CAMSAP2: variants seen among roughly 807,000 people sequenced by gnomAD.
CAMSAP2 encodes calmodulin-regulated spectrin-associated protein 2.
A neutral mutation model predicts 146.1 loss-of-function variants in CAMSAP2; 26 were observed. The observed-to-expected ratio is 0.18, with a 90% CI of 0.13 to 0.25. The LOEUF (loss-of-function observed/expected upper bound fraction) is 0.25. Among genes scored for constraint, CAMSAP2 ranks in the 10% least tolerant of loss-of-function variants. CAMSAP2 has a pLI of 1.00. For missense variants in CAMSAP2, 1,381 were observed against 1,759.3 expected (o/e 0.78, Z 3.85); for synonymous variants, 499 against 596.6 (o/e 0.84, Z 2.38).
At chr1:200,838,422 C>T (rs937686255) in intron 6 of CAMSAP2, among the ~76,000 whole-genome samples, 2 of 152,142 alleles carry the variant, frequency 1.3e-5, no homozygotes, top group South Asian at 2.1e-4. Context: ...AATAATCTTA[C>T]TAATCAGAAA....
At chr1:200,748,142 C>G (rs555821543) in intron 1 of CAMSAP2, among the ~76,000 whole-genome samples, 76 of 152,286 alleles carry the variant, frequency 5.0e-4, no homozygotes, top group Non-Finnish European at 9.3e-4. Context: ...TATAGAAAAT[C>G]TCAAATATAT....
At chr1:200,787,780 T>C (rs761816796) in intron 2 of CAMSAP2, among the ~76,000 whole-genome samples, 14 of 152,208 alleles carry the variant, frequency 9.2e-5, no homozygotes, top group Non-Finnish European at 1.5e-4. Flanking sequence ...CACGCAAGTT[T>C]TGTTGTCTCA....
At chr1:200,798,921 A>T (rs1486832181) in intron 2 of CAMSAP2, among the ~76,000 whole-genome samples, 9 of 151,610 alleles carry the variant, frequency 5.9e-5, no homozygotes, top group African/African-American at 2.2e-4. Flanking sequence ...ATCTATTGAG[A>T]TAATCATGTG....
chr1:200,764,268 G>C (rs923990624), intron 2 of CAMSAP2, among the ~76,000 whole-genome samples: 4 of 151,610 alleles, frequency 2.6e-5, no homozygotes, highest in Non-Finnish European at 4.4e-5. Context: ...CCTTTTGGGG[G>C]GAAAAAAAGT....
chr1:200,847,327 T>C, intron 9 of CAMSAP2, 35 bp downstream of exon 9: 2 of 1,391,224 alleles, frequency 1.4e-6, no homozygotes, highest in African/African-American at 1.4e-5. Flanking sequence ...AAAATACTCT[T>C]TTAAGTAGGT....
chr1:200,800,771 C>T (rs1393834634), intron 2 of CAMSAP2, among the ~76,000 whole-genome samples: 1 of 152,150 alleles, frequency 6.6e-6, no homozygotes, highest in Non-Finnish European at 1.5e-5. Context: ...ATGGTCTTTA[C>T]AATTTGGTAT....
intron 2 of CAMSAP2, among the ~76,000 whole-genome samples, chr1:200,768,800 T>C (rs1333907535): frequency 2.6e-5 from 4 of 151,994 alleles, no homozygotes; most frequent in African/African-American, 9.7e-5. Context: ...ACTACAGGCG[T>C]GTGCCACCAC....
chr1:200,816,737 C>CACACACGCGAGTATATATGTGTGTAT lies in CAMSAP2; in HGVS notation c.645+1099_645+1100insGCGAGTATATATGTGTGTATACACAC, dbSNP rs1558190782. Among the ~76,000 whole-genome samples, 7 of 30,490 alleles carry CACACACGCGAGTATATATGTGTGTAT rather than the reference C, an allele frequency of 2.3e-4. 2 individuals are homozygous for CACACACGCGAGTATATATGTGTGTAT. The highest frequency in any genetic ancestry group is 1.1e-3 in the African/African-American group (7 of 6,654). 20.0% of individuals were successfully genotyped at this position (30,490 alleles called of 152,430 possible). A position where few individuals can be genotyped will look rare whatever the true frequency, so the allele number is the denominator to read the frequency against. On this transcript the variant is annotated intron_variant, in intron 4 of 16. Transcript: ENST00000358823. ...ATACACACGCACATATATGTGTGTA[C>CACACACGCGAGTATATATGTGTGTAT]ACACACACGCGTGTATATATGTGTG...
At chr1:200,810,838 G>A (rs895395589) in intron 3 of CAMSAP2, among the ~76,000 whole-genome samples, 41 of 151,918 alleles carry the variant, frequency 2.7e-4, no homozygotes, top group African/African-American at 9.7e-4. Context: ...GCAGCGACTC[G>A]AGATTGCACC....
intron 1 of CAMSAP2, among the ~76,000 whole-genome samples, chr1:200,749,130 C>T (rs545565217): frequency 6.6e-6 from 1 of 152,354 alleles, no homozygotes; most frequent in African/African-American, 2.4e-5. Context: ...ACCACACTCC[C>T]TGAATGCTGC....
At chr1:200,742,888 G>T (rs1006401550) in intron 1 of CAMSAP2, among the ~76,000 whole-genome samples, 1 of 151,812 alleles carries the variant, frequency 6.6e-6, no homozygotes, top group Non-Finnish European at 1.5e-5. Flanking sequence ...AAGCAAATAT[G>T]GAATATTTAC....
chr1:200,762,679 A>G (rs1325252245), intron 2 of CAMSAP2, among the ~76,000 whole-genome samples: 1 of 152,198 alleles, frequency 6.6e-6, no homozygotes, highest in Non-Finnish European at 1.5e-5. Flanking sequence ...TAGAGTGTCT[A>G]TTTCAGATCC....
At chr1:200,813,295 G>A (rs1250997206) in intron 3 of CAMSAP2, among the ~76,000 whole-genome samples, 20 of 152,186 alleles carry the variant, frequency 1.3e-4, no homozygotes, top group Admixed American at 1.2e-3. Flanking sequence ...ATCATGCCCC[G>A]AAAGGCTACA....
intron 2 of CAMSAP2, among the ~76,000 whole-genome samples, chr1:200,784,117 C>T (rs1041689978): frequency 2.6e-5 from 4 of 152,062 alleles, no homozygotes; most frequent in African/African-American, 7.2e-5. Flanking sequence ...GACGTCGACA[C>T]CTGTGTCTCT....
chr1:200,819,579 C>T (rs1342979030), intron 4 of CAMSAP2, among the ~76,000 whole-genome samples: 1 of 151,972 alleles, frequency 6.6e-6, no homozygotes, highest in Non-Finnish European at 1.5e-5. Flanking sequence ...CACTAAATAG[C>T]TTCATGACCT....
chr1:200,741,762 A>C (rs549852546), intron 1 of CAMSAP2, among the ~76,000 whole-genome samples: 18 of 152,338 alleles, frequency 1.2e-4, no homozygotes, highest in Admixed American at 7.2e-4. Context: ...AGAAGAAAGG[A>C]AATGAAGGGA....
chr1:200,814,940 A>G (rs1052126009), intron 3 of CAMSAP2, among the ~76,000 whole-genome samples: 3 of 152,108 alleles, frequency 2.0e-5, no homozygotes, highest in East Asian at 3.8e-4. Flanking sequence ...TCTTCTCAAG[A>G]AATAATTTAT....
rs1012992016 is a variant in CAMSAP2 at position 200,853,852 on chromosome 1, A to C, written c.3823+357A>C. ...AATGTACAAGAAACATGTTGGTATA[A>C]TAAGGAATGCAAGATCAAGAGTTCA... is the stretch of plus-strand genomic sequence containing the variant. On this transcript the variant is annotated intron_variant, in intron 13 of 16. Coordinates refer to ENST00000358823, the MANE Select transcript of CAMSAP2 (RefSeq NM_203459.4). This position sits in a 1 kb window ranked among gnomAD's most constrained non-coding sequence, Gnocchi z 5.1. Among the ~76,000 whole-genome samples the C allele has an allele frequency of 1.3e-5, 2 of 152,234 alleles. No individual in the cohort carries two copies. The highest frequency in any genetic ancestry group is 2.9e-5 in the Non-Finnish European group (2 of 68,038).
intron 15 of CAMSAP2, among the ~76,000 whole-genome samples, chr1:200,856,368 A>G: frequency 6.6e-6 from 1 of 152,220 alleles, no homozygotes; most frequent in Non-Finnish European, 1.5e-5. Context: ...GGTCCGAAGA[A>G]GTTTTAGAGA....
Sources: allele counts gnomAD v4.1 joint callset (sites outside exome capture counted in the v4.1 genomes callset), GRCh38; gene constraint gnomAD v4.1.1; non-coding constraint Gnocchi (gnomAD v3.1); transcripts MANE v1.5; gene names NCBI Gene and HGNC (gene_info 2026-07-23, HGNC 2026-07-21).